Variants in SLC5A12 observed in about 807,000 individuals in gnomAD.
SLC5A12 encodes the protein solute carrier family 5 member 12, also known as sodium-coupled monocarboxylate transporter 2.
Under a neutral mutation model 72.7 loss-of-function variants are expected in SLC5A12, and 46 were observed. The observed-to-expected ratio is 0.63, with a 90% CI of 0.50 to 0.81. The LOEUF is 0.81. SLC5A12 is among the 30% of genes least tolerant of loss of function. The probability of loss-of-function intolerance (pLI) is 0.00; values close to 1 mark genes in which losing one functional copy is unlikely to be tolerated. For missense variants in SLC5A12, 683 were observed against 740.7 expected (o/e 0.92, Z 0.90); for synonymous variants, 275 against 264.4 (o/e 1.04, Z -0.39).
rs199793950 is a variant in SLC5A12 at position 26,671,047 on chromosome 11, T to G, written c.*55A>C. The stretch of plus-strand genomic sequence containing the variant: ...CAAGTAGGCAAGAAGTATGTGGAGT[T>G]TGTGTGTGTGTGTGTGTATTGCACG... On this transcript the variant is annotated 3_prime_UTR_variant, in exon 15 of 15. Transcript: ENST00000396005. 8.3e-5 allele frequency: 113 copies of G among 1,353,970 alleles called. No homozygotes were observed. Among genetic ancestry groups the G allele is most frequent in the South Asian group, 3.2e-4 (22 of 68,272 alleles). 83.9% of individuals were successfully genotyped at this position (1,353,970 alleles called of 1,614,324 possible). A position where few individuals can be genotyped will look rare whatever the true frequency, so the allele number is the denominator to read the frequency against.
At chr11:26,690,197 C>T (rs114477913) in intron 9 of SLC5A12, among the ~76,000 whole-genome samples, 1 of 151,902 alleles carries the variant, frequency 6.6e-6, no homozygotes, top group Non-Finnish European at 1.5e-5. Context: ...AGGTTCCATG[C>T]AGTAAACTTT....
At chr11:26,676,625 T>C (rs1245752283) in intron 13 of SLC5A12, among the ~76,000 whole-genome samples, 1 of 152,174 alleles carries the variant, frequency 6.6e-6, no homozygotes, top group Non-Finnish European at 1.5e-5. Context: ...GTATTTGTTC[T>C]TGATTTAGGA....
chr11:26,671,400 T>C, intron 14 of SLC5A12, 149 bp from the exon 15 acceptor site: 3 of 557,756 alleles, frequency 5.4e-6, no homozygotes, highest in South Asian at 6.5e-5. Context: ...CATTTTCTAA[T>C]TGATAACTTT....
intron 10 of SLC5A12, among the ~76,000 whole-genome samples, chr11:26,684,522 T>G (rs993473301): frequency 6.6e-6 from 1 of 152,178 alleles, no homozygotes; most frequent in Non-Finnish European, 1.5e-5. Context: ...CTAGCCATCA[T>G]GCCTCTCCTA....
chr11:26,676,269 T>A (rs1854262916), intron 13 of SLC5A12, among the ~76,000 whole-genome samples: 1 of 151,806 alleles, frequency 6.6e-6, no homozygotes, highest in South Asian at 2.1e-4. Flanking sequence ...AACCAGAGGA[T>A]CTTTGTTGCC....
chr11:26,720,502 G>A (rs1248291584), intron 1 of SLC5A12, among the ~76,000 whole-genome samples: 1 of 151,860 alleles, frequency 6.6e-6, no homozygotes, highest in Non-Finnish European at 1.5e-5. Context: ...CCTAAAAAGT[G>A]TTCATTTGCC....
chr11:26,689,516 TGA>T (rs1471084032), intron 9 of SLC5A12, among the ~76,000 whole-genome samples: 1 of 151,594 alleles, frequency 6.6e-6, no homozygotes, highest in Non-Finnish European at 1.5e-5. Context: ...GGAGGGTGAG[TGA>T]GAGAAAAGAA....
At chr11:26,709,216 C>A in intron 4 of SLC5A12, 96 bp downstream of exon 4, 1 of 840,806 alleles carries the variant, frequency 1.2e-6, no homozygotes, top group East Asian at 2.6e-5. Context: ...TTTGGAATAA[C>A]GAATTCTGCT....
At chr11:26,722,445 A>C (rs891472708), upstream of SLC5A12, among the ~76,000 whole-genome samples, 1 of 152,212 alleles carries the variant, frequency 6.6e-6, no homozygotes, top group Admixed American at 6.5e-5. Flanking sequence ...TTAAGTCTTA[A>C]ACTTCCTGAC....
At position 26,670,933 on chromosome 11, in the gene SLC5A12, A is replaced by G; in HGVS notation, c.*169T>C. On this transcript the variant is annotated 3_prime_UTR_variant, in exon 15 of 15. Transcript: ENST00000396005. ...AGTCTTTCAAAGAATATCCCGAGAGACAGTCATTTTGCATGTAGTTATAAA... is the reference window on the plus strand; with the variant it reads ...AGTCTTTCAAAGAATATCCCGAGAGGCAGTCATTTTGCATGTAGTTATAAA... 1 of 533,946 alleles carries G rather than the reference A, an allele frequency of 1.9e-6. No individual in the cohort carries two copies. The highest frequency in any genetic ancestry group is 3.0e-6 in the Non-Finnish European group (1 of 330,786). The allele number at this position is 533,946 out of a possible 1,614,324, so 33.1% of individuals were successfully genotyped here. A position where few individuals can be genotyped will look rare whatever the true frequency, so the allele number is the denominator to read the frequency against.
At chr11:26,704,261 G>C (rs952556729) in intron 4 of SLC5A12, among the ~76,000 whole-genome samples, 4 of 152,134 alleles carry the variant, frequency 2.6e-5, no homozygotes, top group Non-Finnish European at 5.9e-5. Context: ...ATAAAACAGG[G>C]AGCCCTGACC....
chr11:26,697,530 C>T (rs915170222), intron 7 of SLC5A12, among the ~76,000 whole-genome samples: 2 of 152,110 alleles, frequency 1.3e-5, no homozygotes, highest in African/African-American at 2.4e-5. Context: ...TACTCTACAT[C>T]CAGGTTTGTG....
At chr11:26,678,604 G>C (rs1335006759) in intron 13 of SLC5A12, 108 bp downstream of exon 13, 3 of 793,942 alleles carry the variant, frequency 3.8e-6, no homozygotes, top group Admixed American at 4.6e-5. Context: ...GGGAAGAAGG[G>C]TTTTTGTGGG....
chr11:26,709,093 T>A (rs981254181), intron 4 of SLC5A12: 2 of 384,130 alleles, frequency 5.2e-6, no homozygotes, highest in African/African-American at 4.1e-5. Context: ...CATGATTTTC[T>A]TGAATGAGTG....
chr11:26,676,284 C>T (rs956412875), intron 13 of SLC5A12, among the ~76,000 whole-genome samples: 1 of 151,170 alleles, frequency 6.6e-6, no homozygotes, highest in African/African-American at 2.4e-5. Context: ...GTTGCCACTA[C>T]TCAACTCTGC....
chr11:26,699,468 G>T (rs925248792), intron 6 of SLC5A12, among the ~76,000 whole-genome samples: 2 of 152,076 alleles, frequency 1.3e-5, no homozygotes, highest in African/African-American at 4.8e-5. Flanking sequence ...AGGCAAATAC[G>T]CCAGATAATT....
intron 1 of SLC5A12, 95 bp from the exon 2 acceptor site, chr11:26,712,801 T>C: frequency 1.4e-6 from 1 of 704,976 alleles, no homozygotes; most frequent in Non-Finnish European, 2.3e-6. Context: ...TGTTGTGCTC[T>C]GGACTTGTAA....
intron 2 of SLC5A12, among the ~76,000 whole-genome samples, chr11:26,711,987 G>A (rs1855240669): frequency 6.6e-6 from 1 of 152,088 alleles, no homozygotes; most frequent in Non-Finnish European, 1.5e-5. Flanking sequence ...CTATGGGCAG[G>A]TAAAGGAGCA....
intron 1 of SLC5A12, among the ~76,000 whole-genome samples, chr11:26,714,088 G>A (rs1855293077): frequency 1.5e-5 from 2 of 132,122 alleles, no homozygotes; most frequent in Admixed American, 1.8e-4. Flanking sequence ...CACATTTGCA[G>A]TAATCCCTTT....
Sources: allele counts gnomAD v4.1 joint callset (sites outside exome capture counted in the v4.1 genomes callset), GRCh38; gene constraint gnomAD v4.1.1; transcripts MANE v1.5; gene names NCBI Gene and HGNC (gene_info 2026-07-23, HGNC 2026-07-21).